MARK3: variants seen among roughly 807,000 people sequenced by gnomAD.
MARK3 encodes the protein microtubule affinity regulating kinase 3.
Under a neutral mutation model 90.1 loss-of-function variants are expected in MARK3, and 46 were observed. The ratio of observed to expected loss-of-function variants is 0.51; its 90% CI spans 0.40 to 0.65. The LOEUF is 0.65. Ranked by LOEUF, MARK3 falls within the 30% of genes least tolerant of loss-of-function variation. MARK3 has a pLI of 0.00. For missense variants in MARK3, 818 were observed against 947.2 expected (o/e 0.86, Z 1.79); for synonymous variants, 321 against 332.6 (o/e 0.97, Z 0.38).
intron 1 of MARK3, among the ~76,000 whole-genome samples, chr14:103,387,458 T>C (rs1343247968): frequency 1.3e-5 from 2 of 151,220 alleles, no homozygotes; most frequent in Non-Finnish European, 3.0e-5. Flanking sequence ...ATAGTCCTTT[T>C]AAAGAAACCT....
chr14:103,427,510 A>AAG (rs1555381309), intron 2 of MARK3, among the ~76,000 whole-genome samples: 4 of 150,966 alleles, frequency 2.6e-5, no homozygotes, highest in Non-Finnish European at 5.9e-5. Context: ...AAAAAAAAAA[A>AAG]AAAGAAACAA....
rs6145477 is a variant in MARK3, at chr14:103,470,455, A to ATTTTTTTTTTT, written c.1264+2276_1264+2286dup. Reference sequence around the variant, plus strand: ...ATTCCAGGATTCAGGAACTAAATCTATTTTTTTTTTTTTTTTTGAGATGGA... The same window carrying ATTTTTTTTTTT: ...ATTCCAGGATTCAGGAACTAAATCTATTTTTTTTTTTTTTTTTTTTTTTTTTTTGAGATGGA... On this transcript the variant is annotated intron_variant, in intron 12 of 17. Coordinates refer to ENST00000429436, the MANE Select transcript of MARK3 (RefSeq NM_001128918.3). 1.1e-3 allele frequency among the ~76,000 whole-genome samples: 59 copies of ATTTTTTTTTTT among 55,048 alleles called. 12 individuals carry two copies. Among genetic ancestry groups the ATTTTTTTTTTT allele is most frequent in the African/African-American group, 2.0e-3 (35 of 17,944 alleles). 36.1% of individuals were successfully genotyped at this position (55,048 alleles called of 152,430 possible).
intron 1 of MARK3, among the ~76,000 whole-genome samples, chr14:103,394,030 G>A (rs937446310): frequency 2.6e-5 from 4 of 152,218 alleles, no homozygotes; most frequent in Middle Eastern, 3.4e-3. Flanking sequence ...CACTGCGCTC[G>A]GCCTGCATTT....
At chr14:103,389,034 A>G (rs2090021079) in intron 1 of MARK3, among the ~76,000 whole-genome samples, 1 of 152,106 alleles carries the variant, frequency 6.6e-6, no homozygotes, top group African/African-American at 2.4e-5. Context: ...GTAATTGTAT[A>G]TAACTGTGAT....
chr14:103,483,546 T>G (rs995060984), intron 14 of MARK3, among the ~76,000 whole-genome samples: 1 of 152,186 alleles, frequency 6.6e-6, no homozygotes, highest in African/African-American at 2.4e-5. Context: ...CTTTTGAAAA[T>G]TAGTTTTATT....
At chr14:103,472,296 GA>G (rs1364366382) in intron 12 of MARK3, among the ~76,000 whole-genome samples, 8 of 151,590 alleles carry the variant, frequency 5.3e-5, no homozygotes, top group Admixed American at 3.9e-4. Context: ...TTGGACTGGT[GA>G]AGGTGTTTCT....
chr14:103,483,632 A>T (rs564718188), intron 14 of MARK3, among the ~76,000 whole-genome samples: 1 of 152,392 alleles, frequency 6.6e-6, no homozygotes, highest in East Asian at 1.9e-4. Context: ...CACAGGGAGC[A>T]TAGGTTAGGG....
chr14:103,452,497 A>G, intron 5 of MARK3, among the ~76,000 whole-genome samples: 1 of 62,702 alleles, frequency 1.6e-5, no homozygotes, highest in Non-Finnish European at 4.2e-5. Context: ...TTTGAGACGG[A>G]GTCTCGCTCT....
At chr14:103,396,240 G>GT (rs2090572511) in intron 1 of MARK3, among the ~76,000 whole-genome samples, 3 of 152,076 alleles carry the variant, frequency 2.0e-5, no homozygotes, top group Non-Finnish European at 4.4e-5. Flanking sequence ...CACTTCTAGA[G>GT]GTACTTGTAC....
At chr14:103,441,165 G>GT (rs1395164272) in intron 3 of MARK3, among the ~76,000 whole-genome samples, 2 of 152,058 alleles carry the variant, frequency 1.3e-5, no homozygotes, top group African/African-American at 4.8e-5. Context: ...CTACTTGATG[G>GT]TATATCTTCA....
intron 2 of MARK3, among the ~76,000 whole-genome samples, chr14:103,419,151 G>C (rs910768825): frequency 2.0e-5 from 3 of 152,160 alleles, no homozygotes; most frequent in Admixed American, 6.5e-5. Context: ...AATTAGCTGG[G>C]CGTGGTGGCG....
chr14:103,489,331 C>G (rs541658665), intron 14 of MARK3: 3 of 152,368 alleles, frequency 2.0e-5, no homozygotes, highest in African/African-American at 7.2e-5. Flanking sequence ...AAGGCAAAGC[C>G]TAGAGAGATG....
intron 1 of MARK3, among the ~76,000 whole-genome samples, chr14:103,389,595 TTTG>T (rs1159980351): frequency 0.033 from 3 of 92 alleles, no homozygotes; most frequent in African/African-American, 0.077. Flanking sequence ...CTAATTTGTT[TTTG>T]TTTGTTTGAT....
Position 103,448,958 on chromosome 14 carries a change from C to A in MARK3, c.337C>A (p.Pro113Thr). ...AAGAATAATGAAGATTTTAAATCAT[C>A]CCAATATAGGTACTTTCTGCTTTTT... is the stretch of plus-strand genomic sequence containing the variant. ...EVRIMKILNHPNIVKLFEVIE... is the reference protein window; with the variant it reads ...EVRIMKILNHTNIVKLFEVIE... Residue 113 changes from proline to threonine, a missense_variant, in exon 4 of 18, where the codon CCC becomes ACC. Pro to Thr is a conservative substitution (Grantham distance 38, BLOSUM62 -1). Coordinates refer to ENST00000429436, the MANE Select transcript of MARK3 (RefSeq NM_001128918.3). The A allele has an allele frequency of 6.4e-7, 1 of 1,563,204 alleles. No individual in the cohort carries two copies. The highest frequency in any genetic ancestry group is 1.2e-5 in the South Asian group (1 of 84,914).
At chr14:103,448,085 G>A (rs143575925) in intron 3 of MARK3, among the ~76,000 whole-genome samples, 1 of 152,142 alleles carries the variant, frequency 6.6e-6, no homozygotes, top group East Asian at 1.9e-4. Flanking sequence ...TTTTTCTTAA[G>A]GTCTCACCTG....
At chr14:103,420,517 C>T (rs1251945982) in intron 2 of MARK3, among the ~76,000 whole-genome samples, 1 of 152,164 alleles carries the variant, frequency 6.6e-6, no homozygotes, top group Non-Finnish European at 1.5e-5. Flanking sequence ...AGGGATGAGC[C>T]ACCACACCTG....
intron 2 of MARK3, among the ~76,000 whole-genome samples, chr14:103,413,777 T>C (rs1327462568): frequency 6.6e-6 from 1 of 152,102 alleles, no homozygotes; most frequent in East Asian, 1.9e-4. Flanking sequence ...TTTTTGAGAA[T>C]GTCAAATAAA....
intron 1 of MARK3, among the ~76,000 whole-genome samples, chr14:103,402,257 C>G (rs2091006980): frequency 1.3e-5 from 2 of 152,050 alleles, no homozygotes; most frequent in African/African-American, 4.8e-5. Flanking sequence ...GCCTGTGAAT[C>G]TTAAGATTTT....
chr14:103,407,305 A>G (rs1010644624), intron 2 of MARK3, among the ~76,000 whole-genome samples: 5 of 152,190 alleles, frequency 3.3e-5, no homozygotes, highest in Admixed American at 2.0e-4. Flanking sequence ...GTATGAGCTC[A>G]TGTTACTTGC....
Sources: gnomAD v4.1 joint callset for allele counts (sites outside exome capture counted in the v4.1 genomes callset) on GRCh38, gnomAD v4.1.1 for gene constraint, MANE v1.5 for transcripts, NCBI Gene and HGNC (gene_info 2026-07-23, HGNC 2026-07-21) for gene names.